SPSB1: variants seen among roughly 807,000 people sequenced by gnomAD.
SPSB1 encodes the protein SPRY domain-containing SOCS box protein 1.
Under a neutral mutation model 21.2 loss-of-function variants are expected in SPSB1, and 8 were observed. That is an observed-to-expected ratio of 0.38 (90% CI 0.22 to 0.68). The LOEUF (loss-of-function observed/expected upper bound fraction) is 0.68, where lower values mean the gene tolerates loss of function less well. Among genes scored for constraint, SPSB1 ranks in the 30% least tolerant of loss-of-function variants. The pLI is 0.53. For synonymous variants in SPSB1, 169 were observed against 161.7 expected, an observed-to-expected ratio of 1.05 and a Z score of -0.34; for missense variants, 242 against 377.8, an observed-to-expected ratio of 0.64 and a Z score of 2.98.
chr1:9,355,660 A>G, intron 1 of SPSB1, 83 bp from the exon 2 acceptor site: 1 of 1,269,588 alleles, frequency 7.9e-7, no homozygotes, highest in South Asian at 3.2e-5. Flanking sequence ...GGACATGCTG[A>G]TGTGGTCGCC....
At chr1:9,318,781 G>T (rs1264684442) in intron 1 of SPSB1, among the ~76,000 whole-genome samples, 1 of 152,196 alleles carries the variant, frequency 6.6e-6, no homozygotes, top group Admixed American at 6.5e-5. Context: ...GCAGGACAGG[G>T]TCCCTGTCTC....
intron 1 of SPSB1, among the ~76,000 whole-genome samples, chr1:9,350,839 TGCTTCTCAGAGCA>T (rs1345221470): frequency 6.6e-6 from 1 of 152,246 alleles, no homozygotes; most frequent in African/African-American, 2.4e-5. Flanking sequence ...CATCTGCATT[TGCTTCTCAGAGCA>T]GCAGTAAGTG....
chr1:9,354,064 G>T (rs537575913), intron 1 of SPSB1, among the ~76,000 whole-genome samples: 3 of 152,158 alleles, frequency 2.0e-5, no homozygotes, highest in African/African-American at 7.2e-5. Flanking sequence ...AGACCTGGCC[G>T]CCCCGGGAAC....
chr1:9,340,868 C>A (rs1006868337), intron 1 of SPSB1, among the ~76,000 whole-genome samples: 2 of 152,228 alleles, frequency 1.3e-5, no homozygotes, highest in African/African-American at 4.8e-5. Flanking sequence ...ATGAAACGCA[C>A]ATTTGTAGTC....
chr1:9,298,446 ATGAATAAG>A (rs1236597751), intron 1 of SPSB1, among the ~76,000 whole-genome samples: 16 of 127,270 alleles, frequency 1.3e-4, no homozygotes, highest in African/African-American at 1.3e-4. Context: ...GAATAAGTGA[ATGAATAAG>A]TGAATGAATG....
Position 9,367,384 on chromosome 1 carries a change from G to A in SPSB1, c.695-64G>A. The A allele has an allele frequency of 6.2e-7, 1 of 1,610,298 alleles. No homozygotes were observed. ...AATCAGTGATAATATTGCTGCTGTGGTTAGCGCTGTTTGCTGAACACCCAC... is the reference window on the plus strand; with the variant it reads ...AATCAGTGATAATATTGCTGCTGTGATTAGCGCTGTTTGCTGAACACCCAC... On this transcript the variant is annotated intron_variant, in intron 2 of 2. Transcript: ENST00000328089. The surrounding 1 kb of genome is among the most constrained non-coding windows in gnomAD (Gnocchi z 5.9).
chr1:9,300,387 A>G (rs568724947), intron 1 of SPSB1, among the ~76,000 whole-genome samples: 12 of 152,260 alleles, frequency 7.9e-5, no homozygotes, highest in South Asian at 6.2e-4. Context: ...TTGCTGTGCA[A>G]CCTGCTTTGC....
At chr1:9,314,374 C>T (rs1334168464) in intron 1 of SPSB1, among the ~76,000 whole-genome samples, 2 of 151,948 alleles carry the variant, frequency 1.3e-5, no homozygotes, top group East Asian at 3.9e-4. Flanking sequence ...CCCTGTTCTG[C>T]GAGCAGCTAT....
At position 9,295,217 on chromosome 1, in the gene SPSB1, AGTGTGTGTGTGT is replaced by A. The variant is rs5772365; in HGVS notation, c.-150+2160_-150+2171del. On this transcript the variant is annotated intron_variant, in intron 1 of 2. Coordinates refer to ENST00000328089, the MANE Select transcript of SPSB1 (RefSeq NM_025106.4). ...GTGTGTGTGTGTGTGTGAGAGTGTG[AGTGTGTGTGTGT>A]GTGTGTGTGTGTGCGCGCGTGCGGT... Among the ~76,000 whole-genome samples, 3 of 148,558 alleles carry A rather than the reference AGTGTGTGTGTGT, an allele frequency of 2.0e-5. 1 individual carries two copies. Among genetic ancestry groups the A allele is most frequent in the East Asian group, 2.0e-4 (1 of 5,098 alleles).
intron 1 of SPSB1, among the ~76,000 whole-genome samples, chr1:9,337,494 G>T (rs12044258): frequency 6.6e-6 from 1 of 151,900 alleles, no homozygotes; most frequent in African/African-American, 2.4e-5. Flanking sequence ...GCCCTCTTTG[G>T]GGGGATGGGA....
At chr1:9,322,900 C>T (rs1203248294) in intron 1 of SPSB1, among the ~76,000 whole-genome samples, 1 of 152,022 alleles carries the variant, frequency 6.6e-6, no homozygotes, top group Non-Finnish European at 1.5e-5. Context: ...TTCTCAGCCC[C>T]TTTTTTTGTT....
chr1:9,352,986 G>GA (rs1413814960), intron 1 of SPSB1, among the ~76,000 whole-genome samples: 1 of 152,058 alleles, frequency 6.6e-6, no homozygotes, highest in Non-Finnish European at 1.5e-5. Context: ...TACGCTGCAG[G>GA]AAGCGTGACA....
intron 1 of SPSB1, among the ~76,000 whole-genome samples, chr1:9,339,694 G>A (rs994245059): frequency 2.0e-5 from 3 of 152,140 alleles, no homozygotes; most frequent in Admixed American, 6.5e-5. Flanking sequence ...AGGAGGGGAG[G>A]GGCCTCCAGC....
chr1:9,295,664 C>T (rs780741834), intron 1 of SPSB1, among the ~76,000 whole-genome samples: 3 of 152,184 alleles, frequency 2.0e-5, no homozygotes, highest in Non-Finnish European at 2.9e-5. Context: ...CCCGTGGAAG[C>T]CAGCGCTGCC....
At chr1:9,354,263 C>T (rs750712051) in intron 1 of SPSB1, among the ~76,000 whole-genome samples, 78 of 152,280 alleles carry the variant, frequency 5.1e-4, no homozygotes, top group Admixed American at 8.5e-4. Flanking sequence ...CTCCTTTACT[C>T]GGGCACCCTA....
chr1:9,367,719 C>A lies in SPSB1; in HGVS notation c.*144C>A. On this transcript the variant is annotated 3_prime_UTR_variant, in exon 3 of 3. Transcript: ENST00000328089. This position sits in a 1 kb window ranked among gnomAD's most constrained non-coding sequence, Gnocchi z 5.9. ...CCTGGTCTTCCCTCATCCTCCGTGG[C>A]TGCCTCCATGGGACAAGGACCGATT... The A allele has an allele frequency of 1.5e-6, 2 of 1,299,494 alleles. No individual in the cohort carries two copies. Among genetic ancestry groups the A allele is most frequent in the Non-Finnish European group, 2.1e-6 (2 of 973,612 alleles). 80.5% of individuals were successfully genotyped at this position (1,299,494 alleles called of 1,614,324 possible).
intron 1 of SPSB1, among the ~76,000 whole-genome samples, chr1:9,311,817 G>A (rs1052837014): frequency 6.6e-6 from 1 of 152,114 alleles, no homozygotes; most frequent in Non-Finnish European, 1.5e-5. Flanking sequence ...AGGTGGGTTT[G>A]GTGCATCCCT....
At chr1:9,357,993 C>G (rs1393158420) in intron 2 of SPSB1, among the ~76,000 whole-genome samples, 1 of 152,120 alleles carries the variant, frequency 6.6e-6, no homozygotes, top group African/African-American at 2.4e-5. Flanking sequence ...AGCTCTAACC[C>G]CACCCTGCAG....
chr1:9,301,302 G>T (rs74613047), intron 1 of SPSB1, among the ~76,000 whole-genome samples: 7,747 of 152,150 alleles, frequency 0.051, 231 homozygotes, highest in Non-Finnish European at 0.063. Context: ...ACCAGCCTGA[G>T]CAACATAGTG....
Sources: gnomAD v4.1 joint callset for allele counts (sites outside exome capture counted in the v4.1 genomes callset) on GRCh38, gnomAD v4.1.1 for gene constraint, Gnocchi (gnomAD v3.1) non-coding constraint, MANE v1.5 for transcripts, NCBI Gene and HGNC (gene_info 2026-07-23, HGNC 2026-07-21) for gene names.